ANKLE2: variants seen among roughly 807,000 people sequenced by gnomAD.
ANKLE2 encodes the protein ankyrin repeat and LEM domain containing 2.
ANKLE2 carries 55 observed loss-of-function variants against 84.2 expected under a neutral mutation model. The ratio of observed to expected loss-of-function variants is 0.65; its 90% confidence interval spans 0.53 to 0.82. The LOEUF (loss-of-function observed/expected upper bound fraction) is 0.82, where lower values mean the gene tolerates loss of function less well. Ranked by LOEUF, ANKLE2 falls within the 40% of genes least tolerant of loss-of-function variation. The probability of loss-of-function intolerance (pLI) is 0.00; values close to 1 mark genes in which losing one functional copy is unlikely to be tolerated. For missense variants in ANKLE2, 1,238 were observed against 1,201.9 expected (o/e 1.03, Z -0.44); for synonymous variants, 551 against 486.1 (o/e 1.13, Z -1.76).
chr12:132,758,866 C>G (rs2044539007), intron 1 of ANKLE2: 2 of 152,286 alleles, frequency 1.3e-5, no homozygotes, highest in Non-Finnish European at 2.9e-5. Flanking sequence ...AGCATAATGC[C>G]CTTGAGATCC....
intron 1 of ANKLE2, chr12:132,760,842 T>C (rs990474155): frequency 1.1e-4 from 17 of 152,066 alleles, no homozygotes; most frequent in African/African-American, 4.1e-4. Flanking sequence ...TCCCCAGAGG[T>C]TGGGGGTGGG....
At chr12:132,734,122 G>A (rs868586964) in intron 10 of ANKLE2, 176 of 563,194 alleles carry the variant, frequency 3.1e-4, no homozygotes, top group African/African-American at 2.9e-3. Context: ...GCGGGCGCCT[G>A]TAGTCCCAGC....
chr12:132,738,512 T>G (rs2044058480), intron 7 of ANKLE2: 1 of 150,418 alleles, frequency 6.6e-6, no homozygotes, highest in Non-Finnish European at 1.5e-5. Flanking sequence ...GTTAAAGGCT[T>G]ATCATAGTTT....
intron 12 of ANKLE2, 101 bp from the exon 13 acceptor site, chr12:132,727,544 G>A (rs1243166433): frequency 7.5e-6 from 10 of 1,335,666 alleles, no homozygotes; most frequent in African/African-American, 1.5e-5. Flanking sequence ...ACATGCGCCC[G>A]GGCGGAGGAG....
intron 12 of ANKLE2, 68 bp from the exon 13 acceptor site, chr12:132,727,511 G>A: frequency 7.2e-7 from 1 of 1,386,434 alleles, no homozygotes; most frequent in Non-Finnish European, 9.5e-7. Context: ...AAAAGTCGGA[G>A]AATAATGGCC....
chr12:132,734,072 C>CA, intron 10 of ANKLE2: 1 of 467,198 alleles, frequency 2.1e-6, no homozygotes, highest in Admixed American at 2.6e-5. Flanking sequence ...CGCATCTCCA[C>CA]TAAAAAAAAA....
rs182267802 is a variant in ANKLE2, at chr12:132,743,982, C to T, written c.1231-706G>A. On this transcript the variant is annotated intron_variant, in intron 5 of 12. Coordinates refer to ENST00000357997, the MANE Select transcript of ANKLE2 (RefSeq NM_015114.3). The surrounding 1 kb of genome is among the most constrained non-coding windows in gnomAD (Gnocchi z 4.1). Reference sequence around the variant, plus strand: ...CTGCGGCCTGTGACACCACAGTAAACGAAATTTTTTTCACTGCTGACGATG... The same window carrying T: ...CTGCGGCCTGTGACACCACAGTAAATGAAATTTTTTTCACTGCTGACGATG... 1.3e-5 allele frequency among the ~76,000 whole-genome samples: 2 copies of T among 152,180 alleles called. No homozygotes were observed. The highest frequency in any genetic ancestry group is 2.9e-5 in the Non-Finnish European group (2 of 68,026).
intron 10 of ANKLE2, among the ~76,000 whole-genome samples, chr12:132,733,309 G>A (rs11147032): frequency 0.025 from 578 of 23,012 alleles, no homozygotes; most frequent in Admixed American, 0.034. Flanking sequence ...GGTGTCTGAC[G>A]TGCACCGTGT....
intron 1 of ANKLE2, chr12:132,761,210 G>T: frequency 6.1e-6 from 1 of 163,650 alleles, no homozygotes; most frequent in Non-Finnish European, 1.3e-5. Context: ...TCCATGACCA[G>T]TAACCGCAAT....
At chr12:132,746,172 C>T (rs573659413) in intron 5 of ANKLE2, among the ~76,000 whole-genome samples, 9 of 152,190 alleles carry the variant, frequency 5.9e-5, no homozygotes, top group Non-Finnish European at 1.0e-4. Flanking sequence ...CACGGTGAAA[C>T]CCCATCTCTA....
At chr12:132,760,680 T>C (rs1323195117) in intron 1 of ANKLE2, 2 of 152,250 alleles carry the variant, frequency 1.3e-5, no homozygotes, top group Admixed American at 1.3e-4. Context: ...CGCTTGGAAA[T>C]TCAGGGCCTC....
At position 132,734,564 on chromosome 12, in the gene ANKLE2, T is replaced by C; in HGVS notation, c.1712A>G (p.His571Arg). 1 of 1,612,108 alleles carries C rather than the reference T, an allele frequency of 6.2e-7. No homozygotes were observed. Among genetic ancestry groups the C allele is most frequent in the Non-Finnish European group, 8.5e-7 (1 of 1,179,246 alleles). ...GFERVGRELA[H>R]ELGYPWVEYW... ...TTCAACCCAGGGATACCCCAGCTCA[T>C]GAGCTAGCTCCCTGTAAGAAACAAA... The change falls in exon 10 of 13, where the codon CAT becomes CGT. Residue 571 changes from histidine to arginine, a missense_variant. Coordinates refer to ENST00000357997, the MANE Select transcript of ANKLE2 (RefSeq NM_015114.3).
rs570509892 is a variant in ANKLE2, at chr12:132,741,361, G to A, written c.1420+58C>T. 9.4e-5 allele frequency: 146 copies of A among 1,561,328 alleles called. 1 individual carries two copies. In the Middle Eastern group the frequency reaches 1.3e-3, roughly 14 times the overall value. On this transcript the variant is annotated intron_variant, in intron 7 of 12. Transcript: ENST00000357997. Reference sequence around the variant, plus strand: ...GCAAAGCTCTGCTGTGTCCCCCAACGCTCCAAGGCCCTTCCCGGCGTGGAC... The same window carrying A: ...GCAAAGCTCTGCTGTGTCCCCCAACACTCCAAGGCCCTTCCCGGCGTGGAC...
At chr12:132,753,641 G>A (rs914748323) in intron 2 of ANKLE2, among the ~76,000 whole-genome samples, 5 of 151,990 alleles carry the variant, frequency 3.3e-5, no homozygotes, top group African/African-American at 9.7e-5. Context: ...GTATGGTGGC[G>A]GGCGCCTGTA....
chr12:132,735,637 A>C, intron 8 of ANKLE2, 125 bp from the exon 9 acceptor site: 1 of 727,230 alleles, frequency 1.4e-6, no homozygotes, highest in Non-Finnish European at 2.3e-6. Context: ...TCTCCCCTTC[A>C]CTAGCAGATC....
intron 8 of ANKLE2, among the ~76,000 whole-genome samples, chr12:132,736,053 G>A (rs2044002548): frequency 6.6e-6 from 1 of 152,174 alleles, no homozygotes; most frequent in African/African-American, 2.4e-5. Flanking sequence ...CGGGGTTCAG[G>A]CCATTCTCCT....
chr12:132,748,380 A>C (rs769309933), intron 3 of ANKLE2, 49 bp from the exon 4 acceptor site: 2 of 1,604,900 alleles, frequency 1.2e-6, no homozygotes. Flanking sequence ...ACCAAAAGTC[A>C]CTCATCACCC....
At position 132,755,304 on chromosome 12, in the gene ANKLE2, G is replaced by A. The variant is rs561242392; in HGVS notation, c.182-171C>T. 67 of 605,754 alleles carry A rather than the reference G, an allele frequency of 1.1e-4. No homozygotes were observed. The South Asian group carries it at 1.3e-3, about 12-fold the overall frequency. The allele number at this position is 605,754 out of a possible 1,614,324, so 37.5% of individuals were successfully genotyped here. A position where few individuals can be genotyped will look rare whatever the true frequency, so the allele number is the denominator to read the frequency against. ...CACGCCTGTAATCCCAGCATTTTGG[G>A]AGGCTGAGGCGGGCGGATCATCTGA... On this transcript the variant is annotated intron_variant, in intron 1 of 12. Coordinates refer to ENST00000357997, the MANE Select transcript of ANKLE2 (RefSeq NM_015114.3).
intron 8 of ANKLE2, 38 bp from the exon 9 acceptor site, chr12:132,735,550 A>G: frequency 6.4e-7 from 1 of 1,555,540 alleles, no homozygotes. Context: ...CGTGTCAGGC[A>G]CTGCGCCCCT....
Sources: gnomAD v4.1 joint callset for allele counts (sites outside exome capture counted in the v4.1 genomes callset) on GRCh38, gnomAD v4.1.1 for gene constraint, Gnocchi (gnomAD v3.1) non-coding constraint, MANE v1.5 for transcripts, NCBI Gene and HGNC (gene_info 2026-07-23, HGNC 2026-07-21) for gene names.